Variants in RNF212B observed in about 807,000 individuals in gnomAD.
RNF212B encodes E3 ubiquitin-protein ligase RNF212B.
RNF212B carries 52 observed loss-of-function variants against 55.5 expected under a neutral mutation model. The observed-to-expected ratio is 0.94, with a 90% CI of 0.75 to 1.18. The LOEUF is 1.18. RNF212B is among the 50% of genes most tolerant of loss of function. The pLI is 0.00. For missense variants in RNF212B, 289 were observed against 350.4 expected (o/e 0.82, Z 1.40); for synonymous variants, 99 against 121.4 (o/e 0.82, Z 1.21).
intron 2 of RNF212B, among the ~76,000 whole-genome samples, chr14:23,194,291 A>G (rs1878420321): frequency 6.6e-6 from 1 of 152,260 alleles, no homozygotes; most frequent in Non-Finnish European, 1.5e-5. Flanking sequence ...ATATAAAATA[A>G]TTAAAAGAAC....
intron 2 of RNF212B, among the ~76,000 whole-genome samples, chr14:23,199,920 A>G (rs1879117608): frequency 6.6e-6 from 1 of 152,062 alleles, no homozygotes; most frequent in Non-Finnish European, 1.5e-5. Context: ...GGAAAAAAAG[A>G]AGGGAAAAAA....
intron 4 of RNF212B, among the ~76,000 whole-genome samples, chr14:23,246,969 C>G (rs940482278): frequency 6.6e-6 from 1 of 151,880 alleles, no homozygotes; most frequent in South Asian, 2.1e-4. Context: ...GGAGAAACCC[C>G]GTCTCTACTA....
intron 11 of RNF212B, among the ~76,000 whole-genome samples, chr14:23,265,500 T>C (rs1056435991): frequency 6.6e-6 from 1 of 152,206 alleles, no homozygotes; most frequent in African/African-American, 2.4e-5. Flanking sequence ...GAGAAGACTT[T>C]CACAAGAAAG....
chr14:23,254,045 G>A (rs923392169), intron 4 of RNF212B, among the ~76,000 whole-genome samples: 28 of 152,128 alleles, frequency 1.8e-4, no homozygotes, highest in African/African-American at 6.8e-4. Context: ...TTGGGAGGCC[G>A]AAGTGGGAGA....
At chr14:23,249,277 G>C (rs1884233455) in intron 4 of RNF212B, among the ~76,000 whole-genome samples, 1 of 152,170 alleles carries the variant, frequency 6.6e-6, no homozygotes, top group African/African-American at 2.4e-5. Flanking sequence ...GTACTCAGTG[G>C]GCCAGGCGCA....
At chr14:23,205,302 A>G (rs1033908615) in intron 2 of RNF212B, among the ~76,000 whole-genome samples, 1 of 133,478 alleles carries the variant, frequency 7.5e-6, no homozygotes, top group Admixed American at 7.1e-5. Context: ...CTTTTTTTTA[A>G]AAAAAGGACA....
At chr14:23,232,783 GT>G (rs1483492800) in intron 2 of RNF212B, among the ~76,000 whole-genome samples, 5 of 132,852 alleles carry the variant, frequency 3.8e-5, no homozygotes, top group African/African-American at 1.5e-4. Context: ...TGGGAGGGAG[GT>G]GGGGGGGGGG....
chr14:23,241,459 C>T (rs769465846), intron 2 of RNF212B, among the ~76,000 whole-genome samples: 14 of 152,090 alleles, frequency 9.2e-5, no homozygotes, highest in South Asian at 4.2e-4. Context: ...AGTCTCACTT[C>T]GTCACCCAGG....
At chr14:23,219,792 GTGTT>G (rs1044368234) in intron 2 of RNF212B, among the ~76,000 whole-genome samples, 12 of 151,918 alleles carry the variant, frequency 7.9e-5, no homozygotes, top group African/African-American at 2.9e-4. Flanking sequence ...TTCTTTTAGT[GTGTT>G]TGTTTGTATA....
rs1880427344 is a variant in RNF212B, at chr14:23,210,786, A to AAAAAAAAAG, written c.-2+17393_-2+17394insGAAAAAAAA. Among the ~76,000 whole-genome samples the AAAAAAAAAG allele has an allele frequency of 2.0e-5, 3 of 150,872 alleles. No individual in the cohort carries two copies. In the East Asian group the frequency reaches 5.8e-4, roughly 29 times the overall value. Reference sequence around the variant, plus strand: ...TGTGAGACTCTGTCTCAAAAAAAAAAAAAAAAAAAGAAATGTAGGATGATA... The same window carrying AAAAAAAAAG: ...TGTGAGACTCTGTCTCAAAAAAAAAAAAAAAAAAGAAAAAAAAAGAAATGTAGGATGATA... On this transcript the variant is annotated intron_variant, in intron 2 of 15. Transcript: ENST00000399910.
At chr14:23,230,397 G>A (rs1215197272) in intron 2 of RNF212B, among the ~76,000 whole-genome samples, 1 of 152,110 alleles carries the variant, frequency 6.6e-6, no homozygotes, top group East Asian at 1.9e-4. Flanking sequence ...GCTCACGCCT[G>A]TAATCCCAGC....
chr14:23,215,971 T>C (rs1341936416), intron 2 of RNF212B, among the ~76,000 whole-genome samples: 1 of 152,160 alleles, frequency 6.6e-6, no homozygotes, highest in Non-Finnish European at 1.5e-5. Context: ...ATTTGCCGGG[T>C]GTGGTGGCTC....
At chr14:23,230,426 G>A (rs367582394) in intron 2 of RNF212B, among the ~76,000 whole-genome samples, 26 of 152,054 alleles carry the variant, frequency 1.7e-4, no homozygotes, top group African/African-American at 4.3e-4. Context: ...AGGCCGAGGC[G>A]GGTGGATCAC....
chr14:23,234,903 T>C (rs1359427427), upstream of RNF212B, among the ~76,000 whole-genome samples: 2 of 151,890 alleles, frequency 1.3e-5, no homozygotes, highest in African/African-American at 2.4e-5. Context: ...CAGTGAGACC[T>C]TGTCTCTTAA....
intron 4 of RNF212B, among the ~76,000 whole-genome samples, chr14:23,251,814 C>CAAAAAAAAAAAAAAAA (rs71119011): frequency 2.9e-5 from 4 of 136,394 alleles, no homozygotes; most frequent in Non-Finnish European, 4.8e-5. Context: ...GACTCTGTCT[C>CAAAAAAAAAAAAAAAA]AAAAAAAAAA....
chr14:23,228,649 A>G (rs763762590), intron 2 of RNF212B, among the ~76,000 whole-genome samples: 27 of 151,940 alleles, frequency 1.8e-4, no homozygotes, highest in Non-Finnish European at 3.2e-4. Flanking sequence ...ACTCTCTAAA[A>G]AAACAAAAAA....
intron 13 of RNF212B, 122 bp downstream of exon 13, chr14:23,270,082 G>A: frequency 3.1e-6 from 2 of 654,886 alleles, no homozygotes; most frequent in Non-Finnish European, 5.4e-6. Context: ...TCTCTAGTTG[G>A]CTCCTTAATA....
At chr14:23,258,356 A>AT in intron 4 of RNF212B, 193 bp from the exon 5 acceptor site, 3 of 314,310 alleles carry the variant, frequency 9.5e-6, no homozygotes, top group East Asian at 5.0e-5. Context: ...AAAAAAAAAA[A>AT]GACAGTAGAA....
intron 2 of RNF212B, among the ~76,000 whole-genome samples, chr14:23,199,880 G>C (rs988912435): frequency 2.0e-5 from 3 of 151,878 alleles, no homozygotes; most frequent in African/African-American, 7.3e-5. Context: ...GCACAGCTTA[G>C]TTTTCAGTGA....
Sources: gnomAD v4.1 joint callset for allele counts (sites outside exome capture counted in the v4.1 genomes callset) on GRCh38, gnomAD v4.1.1 for gene constraint, MANE v1.5 for transcripts, NCBI Gene and HGNC (gene_info 2026-07-23, HGNC 2026-07-21) for gene names.